The following DEPDC1B variants were observed in gnomAD, a reference collection of about 807,000 sequenced individuals.
The protein encoded by DEPDC1B is DEP domain-containing protein 1B.
DEPDC1B carries 51 observed loss-of-function variants against 66.5 expected under a neutral mutation model. That is an observed-to-expected ratio of 0.77 (90% CI 0.61 to 0.97). The LOEUF is 0.97. Among genes scored for constraint, DEPDC1B ranks in the 50% least tolerant of loss-of-function variants. The probability of loss-of-function intolerance (pLI) is 0.00; values close to 1 mark genes in which losing one functional copy is unlikely to be tolerated. For synonymous variants in DEPDC1B, 226 were observed against 223.6 expected, an observed-to-expected ratio of 1.01 and a Z score of -0.10; for missense variants, 552 against 637.1, an observed-to-expected ratio of 0.87 and a Z score of 1.44.
chr5:60,600,163 A>G (rs570290054), intron 9 of DEPDC1B, among the ~76,000 whole-genome samples: 13 of 152,300 alleles, frequency 8.5e-5, no homozygotes, highest in Non-Finnish European at 1.8e-4. Flanking sequence ...GCATGCATTT[A>G]GCTAAGCTTT....
intron 7 of DEPDC1B, among the ~76,000 whole-genome samples, chr5:60,631,633 T>C (rs16878294): frequency 1.8e-4 from 27 of 152,268 alleles, no homozygotes; most frequent in African/African-American, 6.0e-4. Context: ...TCCTGATAAG[T>C]CTCATTTGCA....
chr5:60,621,821 T>G (rs1279290607), intron 7 of DEPDC1B, among the ~76,000 whole-genome samples: 1 of 152,232 alleles, frequency 6.6e-6, no homozygotes, highest in Non-Finnish European at 1.5e-5. Context: ...AATTCAAGTC[T>G]TGAGCCTAAG....
At chr5:60,655,014 G>A (rs1311126490) in intron 2 of DEPDC1B, among the ~76,000 whole-genome samples, 2 of 148,956 alleles carry the variant, frequency 1.3e-5, no homozygotes, top group African/African-American at 5.1e-5. Flanking sequence ...ATATGCTGTT[G>A]GATTCGGTTA....
intron 1 of DEPDC1B, among the ~76,000 whole-genome samples, chr5:60,693,023 G>A: frequency 6.6e-6 from 1 of 152,116 alleles, no homozygotes; most frequent in East Asian, 1.9e-4. Context: ...GACTTCTGCG[G>A]TGCTAGTAAT....
At chr5:60,616,126 C>A (rs1752548395) in intron 7 of DEPDC1B, among the ~76,000 whole-genome samples, 1 of 152,118 alleles carries the variant, frequency 6.6e-6, no homozygotes, top group African/African-American at 2.4e-5. Context: ...GACATCCACA[C>A]CAAAACCCCA....
In DEPDC1B at chr5:60,667,772, T is replaced by TA. The variant is rs1212811149; in HGVS notation, c.314+19189_314+19190insT. 1.4e-3 allele frequency among the ~76,000 whole-genome samples: 190 copies of TA among 135,332 alleles called. 25 individuals are homozygous for TA. The highest frequency in any genetic ancestry group is 2.2e-3 in the Non-Finnish European group (146 of 65,458). The allele number at this position is 135,332 out of a possible 152,430, so 88.8% of individuals were successfully genotyped here. A position where few individuals can be genotyped will look rare whatever the true frequency, so the allele number is the denominator to read the frequency against. On this transcript the variant is annotated intron_variant, in intron 2 of 10. Transcript: ENST00000265036. ...TTACATATATATAAAAAATGGATAT[T>TA]TTACATATATATAAAAAATGGATAT...
At chr5:60,632,209 A>G (rs1382380922) in intron 7 of DEPDC1B, among the ~76,000 whole-genome samples, 2 of 152,236 alleles carry the variant, frequency 1.3e-5, no homozygotes, top group African/African-American at 4.8e-5. Flanking sequence ...GGGGCAGCCC[A>G]GGCCACTCAG....
intron 3 of DEPDC1B, among the ~76,000 whole-genome samples, chr5:60,646,589 T>C (rs1423197636): frequency 6.6e-6 from 1 of 152,226 alleles, no homozygotes; most frequent in African/African-American, 2.4e-5. Context: ...AAATGGATGG[T>C]TGCATCTGTA....
At chr5:60,602,606 G>A (rs375807978) in intron 9 of DEPDC1B, among the ~76,000 whole-genome samples, 1 of 151,966 alleles carries the variant, frequency 6.6e-6, no homozygotes, top group Non-Finnish European at 1.5e-5. Context: ...GGGTCCACAC[G>A]ATAATAATAT....
chr5:60,642,700 G>T, intron 6 of DEPDC1B, 112 bp downstream of exon 6: 2 of 706,322 alleles, frequency 2.8e-6, no homozygotes, highest in Non-Finnish European at 4.8e-6. Context: ...ATAATTAACT[G>T]CCAGTCTCAC....
At chr5:60,676,236 T>C (rs3029128) in intron 2 of DEPDC1B, among the ~76,000 whole-genome samples, 7 of 91,946 alleles carry the variant, frequency 7.6e-5, no homozygotes, top group East Asian at 3.9e-4. Flanking sequence ...GGCCTTTTTT[T>C]TTTTTTTCTT....
intron 7 of DEPDC1B, among the ~76,000 whole-genome samples, chr5:60,614,319 C>A (rs780854650): frequency 6.6e-6 from 1 of 152,104 alleles, no homozygotes; most frequent in African/African-American, 2.4e-5. Context: ...TATTTTTTTA[C>A]ACTTTCTTTC....
chr5:60,634,905 C>A (rs1434598726), intron 7 of DEPDC1B, among the ~76,000 whole-genome samples: 1 of 145,782 alleles, frequency 6.9e-6, no homozygotes, highest in Non-Finnish European at 1.5e-5. Flanking sequence ...CCAGCCAATA[C>A]AAAATTAGCT....
intron 7 of DEPDC1B, among the ~76,000 whole-genome samples, chr5:60,619,069 C>A (rs1752638218): frequency 6.6e-6 from 1 of 152,136 alleles, no homozygotes; most frequent in Non-Finnish European, 1.5e-5. Flanking sequence ...GCAGAAAAGG[C>A]CTTTGACAAA....
chr5:60,642,791 T>C lies in DEPDC1B; in HGVS notation c.757+21A>G, dbSNP rs554108284. ...CTAATTTCTGTTAATTTCACAAAAC[T>C]GGCAGATAATTAGTACTTACAATTT... On this transcript the variant is annotated intron_variant, in intron 6 of 10. Coordinates refer to ENST00000265036, the MANE Select transcript of DEPDC1B (RefSeq NM_018369.3). 194 of 1,600,288 alleles carry C rather than the reference T, an allele frequency of 1.2e-4. 4 individuals carry two copies. In the South Asian group the frequency reaches 2.2e-3, roughly 18 times the overall value.
intron 7 of DEPDC1B, among the ~76,000 whole-genome samples, chr5:60,618,315 C>CA (rs1359481219): frequency 6.6e-6 from 1 of 151,912 alleles, no homozygotes; most frequent in Admixed American, 6.6e-5. Flanking sequence ...AATAGAGACA[C>CA]AAAAAACCCT....
intron 7 of DEPDC1B, among the ~76,000 whole-genome samples, chr5:60,616,911 G>T (rs1752570039): frequency 6.6e-6 from 1 of 152,190 alleles, no homozygotes; most frequent in Admixed American, 6.5e-5. Flanking sequence ...CCCACAAAGG[G>T]AAGCCCATTA....
chr5:60,661,262 C>A (rs778298333), intron 2 of DEPDC1B, among the ~76,000 whole-genome samples: 133 of 152,228 alleles, frequency 8.7e-4, no homozygotes, highest in Non-Finnish European at 1.4e-3. Flanking sequence ...GGAACCCTTT[C>A]TTTGTGGTCA....
At chr5:60,686,316 C>T (rs1392171766) in intron 2 of DEPDC1B, among the ~76,000 whole-genome samples, 1 of 152,138 alleles carries the variant, frequency 6.6e-6, no homozygotes, top group Non-Finnish European at 1.5e-5. Context: ...AGTCTTCTCC[C>T]ACACCTGATC....
Sources: gnomAD v4.1 joint callset for allele counts (sites outside exome capture counted in the v4.1 genomes callset) on GRCh38, gnomAD v4.1.1 for gene constraint, MANE v1.5 for transcripts, NCBI Gene and HGNC (gene_info 2026-07-23, HGNC 2026-07-21) for gene names.